Variants in URB1 observed in about 807,000 individuals in gnomAD.
The protein encoded by URB1 is URB1 ribosome biogenesis factor, also known as nucleolar pre-ribosomal-associated protein 1.
URB1 carries 197 observed loss-of-function variants against 242.3 expected under a neutral mutation model. The ratio of observed to expected loss-of-function variants is 0.81; its 90% CI spans 0.72 to 0.91. The LOEUF (loss-of-function observed/expected upper bound fraction) is 0.91, where lower values mean the gene tolerates loss of function less well. Among genes scored for constraint, URB1 ranks in the 40% least tolerant of loss-of-function variants. The pLI, the probability that URB1 is intolerant of heterozygous loss-of-function variation, is 0.00. For synonymous variants in URB1, 1,153 were observed against 1,201.8 expected, an observed-to-expected ratio of 0.96 and a Z score of 0.84; for missense variants, 2,721 against 2,860.5, an observed-to-expected ratio of 0.95 and a Z score of 1.11.
chr21:32,349,624 C>T lies in URB1; in HGVS notation c.2833-141G>A, dbSNP rs2833781. ...GCAACTCCTCACAGAGTGTGTGAGA[C>T]ACCCATCAATGCAATGCCATTTCTC... On this transcript the variant is annotated intron_variant, in intron 20 of 38. Coordinates refer to ENST00000382751, the MANE Select transcript of URB1 (RefSeq NM_014825.3). 7.8e-3 allele frequency: 5,991 copies of T among 769,054 alleles called. 298 individuals are homozygous for T. In the Admixed American group the frequency reaches 0.1, roughly 13 times the overall value. 47.6% of individuals were successfully genotyped at this position (769,054 alleles called of 1,614,324 possible). A position where few individuals can be genotyped will look rare whatever the true frequency, so the allele number is the denominator to read the frequency against.
chr21:32,365,974 G>A (rs1335291597), intron 10 of URB1, among the ~76,000 whole-genome samples: 2 of 152,218 alleles, frequency 1.3e-5, no homozygotes, highest in Non-Finnish European at 2.9e-5. Context: ...GGACCCACGT[G>A]TGCCAACAAC....
At position 32,338,690 on chromosome 21, in the gene URB1, C is replaced by T. The variant is rs1490525670; in HGVS notation, c.4510+17G>A. The T allele has an allele frequency of 6.4e-7, 1 of 1,550,484 alleles. No homozygotes were observed. The highest frequency in any genetic ancestry group is 1.2e-5 in the South Asian group (1 of 83,976). ...AAAATCTGGATACGGAATGGAAGGG[C>T]TGGGGTGAGGGGTCACCTTTTACTT... On this transcript the variant is annotated intron_variant, in intron 26 of 38. Transcript: ENST00000382751.
chr21:32,350,384 C>T (rs115279922), intron 20 of URB1, among the ~76,000 whole-genome samples: 399 of 152,332 alleles, frequency 2.6e-3, no homozygotes, highest in African/African-American at 8.4e-3. Flanking sequence ...CTGTAGTGAG[C>T]TATGATGCGC....
Position 32,345,403 on chromosome 21 carries a change from G to A in URB1, c.4041C>T (p.Ser1347=). The change falls in exon 23 of 39, where the codon AGC becomes AGT. Residue 1347 remains serine (S), a synonymous_variant. Coordinates refer to ENST00000382751, the MANE Select transcript of URB1 (RefSeq NM_014825.3). The stretch of plus-strand genomic sequence containing the variant: ...TGTGACTGCTTGGGGTGTGAAGCAA[G>A]CTGGGCAGGCGGTCCATGAGTACAC... ...DLSVLMDRLP[S]LLHTPSSHKR... 6.4e-7 allele frequency: 1 copy of A among 1,551,366 alleles called. No individual in the cohort carries two copies. Among genetic ancestry groups the A allele is most frequent in the East Asian group, 2.4e-5 (1 of 40,878 alleles).
In URB1 at chr21:32,384,348, C is replaced by T. The variant is rs2033558279; in HGVS notation, c.399G>A (p.Lys133=). Residue 133 remains lysine (K), a synonymous_variant, in exon 3 of 39, where the codon AAG becomes AAA. Transcript: ENST00000382751. ...IVKKLMNNHM[K]LICESLYASG... ...AGGCATACAGGGACTCACAGATGAG[C>T]TTCATGTGGTTGTTCATCAGCTTTT... 6.4e-7 allele frequency: 1 copy of T among 1,552,220 alleles called. No individual in the cohort carries two copies. The highest frequency in any genetic ancestry group is 1.4e-5 in the African/African-American group (1 of 73,060).
chr21:32,341,004 T>TA lies in URB1; in HGVS notation c.4316+461dup, dbSNP rs142680125. Among the ~76,000 whole-genome samples, 176 of 148,200 alleles carry TA rather than the reference T, an allele frequency of 1.2e-3. 2 individuals are homozygous for TA. The Middle Eastern group carries it at 0.033, about 27-fold the overall frequency. On this transcript the variant is annotated intron_variant, in intron 25 of 38. Transcript: ENST00000382751. ...AAAGGATGTATAAAGAATGATACAT[T>TA]AAAAAAAAAAGAATGATACATTAGT...
chr21:32,368,537 G>C lies in URB1; in HGVS notation c.1063C>G (p.Leu355Val). ...LGLKTAADDD[L>V]VADLVVNILK... ...ATGTTTACCACAAGGTCAGCCACCA[G>C]ATCATCATCAGCTGCAGTTTTCAAA... Residue 355 changes from leucine to valine, a missense_variant, in exon 9 of 39, where the codon CTG (leucine) becomes GTG (valine). Coordinates refer to ENST00000382751, the MANE Select transcript of URB1 (RefSeq NM_014825.3). 6.4e-7 allele frequency: 1 copy of C among 1,551,740 alleles called. No homozygotes were observed. The highest frequency in any genetic ancestry group is 8.7e-7 in the Non-Finnish European group (1 of 1,147,024).
At chr21:32,338,204 C>T (rs528672861) in intron 26 of URB1, among the ~76,000 whole-genome samples, 1 of 152,290 alleles carries the variant, frequency 6.6e-6, no homozygotes, top group African/African-American at 2.4e-5. Flanking sequence ...TCTCTGACAT[C>T]CGACCTGTGA....
chr21:32,320,542 G>C lies in URB1; in HGVS notation c.5583C>G (p.Ile1861Met). The change falls in exon 35 of 39, where the codon ATC (isoleucine) becomes ATG (methionine). Residue 1861 changes from isoleucine to methionine, a missense_variant. Transcript: ENST00000382751. Reference sequence around the variant, plus strand: ...CAAAAGGTACTTACTTGCTTTCAAGGATGTGTAAAATCCATGTTAAAAGGC... The same window carrying C: ...CAAAAGGTACTTACTTGCTTTCAAGCATGTGTAAAATCCATGTTAAAAGGC... ...DYSLLTWILH[I>M]LESKFLETPL... is the part of the protein sequence containing the mutation. 3.9e-6 allele frequency: 6 copies of C among 1,551,338 alleles called. No individual in the cohort carries two copies. Among genetic ancestry groups the C allele is most frequent in the African/African-American group, 2.7e-5 (2 of 73,104 alleles).
intron 5 of URB1, 70 bp downstream of exon 5, chr21:32,378,374 TG>T: frequency 1.4e-6 from 2 of 1,405,048 alleles, no homozygotes; most frequent in Non-Finnish European, 2.0e-6. Context: ...TTTTTGAACT[TG>T]GAAGAAACGG....
At chr21:32,384,987 GAAAGA>G (rs746904954) in intron 2 of URB1, among the ~76,000 whole-genome samples, 39 of 147,424 alleles carry the variant, frequency 2.6e-4, no homozygotes, top group African/African-American at 6.7e-4. Context: ...TCTCAAAAAT[GAAAGA>G]AAAGAAAAGA....
At chr21:32,372,024 T>G (rs1017342094) in intron 8 of URB1, among the ~76,000 whole-genome samples, 2 of 152,164 alleles carry the variant, frequency 1.3e-5, no homozygotes, top group African/African-American at 4.8e-5. Context: ...GAGGGAGGAC[T>G]GTTTTAGTAT....
rs886811048 is a variant in URB1, at chr21:32,338,618, G to A, written c.4510+89C>T. 176 of 1,407,118 alleles carry A rather than the reference G, an allele frequency of 1.3e-4. 3 individuals are homozygous for A. The Admixed American group carries it at 2.6e-3, about 21-fold the overall frequency. 87.2% of individuals were successfully genotyped at this position (1,407,118 alleles called of 1,614,324 possible). On this transcript the variant is annotated intron_variant, in intron 26 of 38. Coordinates refer to ENST00000382751, the MANE Select transcript of URB1 (RefSeq NM_014825.3). Reference sequence around the variant, plus strand: ...CAATGCTTCCTTAGCTCCGAGAGCCGGAGGGAGATGAGCCTCAGTGCAGCC... The same window carrying A: ...CAATGCTTCCTTAGCTCCGAGAGCCAGAGGGAGATGAGCCTCAGTGCAGCC...
chr21:32,331,898 C>T (rs995335181), intron 30 of URB1, among the ~76,000 whole-genome samples: 12 of 152,224 alleles, frequency 7.9e-5, no homozygotes, highest in Non-Finnish European at 1.3e-4. Flanking sequence ...ACAGTACACT[C>T]CTCCTGCCCC....
At chr21:32,371,240 C>T (rs1057049284) in intron 8 of URB1, among the ~76,000 whole-genome samples, 106 of 152,314 alleles carry the variant, frequency 7.0e-4, no homozygotes, top group African/African-American at 2.5e-3. Context: ...AAATCTCCTT[C>T]CTTTCCCTTA....
rs374404103 is a variant in URB1 at position 32,355,595 on chromosome 21, T to G, written c.1990-30A>C. 15 of 1,523,810 alleles carry G rather than the reference T, an allele frequency of 9.8e-6. No individual in the cohort carries two copies. In the African/African-American group the frequency reaches 1.8e-4, roughly 18 times the overall value. 94.4% of individuals were successfully genotyped at this position (1,523,810 alleles called of 1,614,324 possible). ...CAGGAAGTAGGCACCGGTGAAAAAG[T>G]CAGAACAGAACGCGCTTTCTTTCTT... is the stretch of plus-strand genomic sequence containing the variant. On this transcript the variant is annotated intron_variant, in intron 15 of 38. Coordinates refer to ENST00000382751, the MANE Select transcript of URB1 (RefSeq NM_014825.3).
chr21:32,372,687 G>C, intron 7 of URB1, 56 bp from the exon 8 acceptor site: 1 of 1,496,764 alleles, frequency 6.7e-7, no homozygotes, highest in South Asian at 1.3e-5. Flanking sequence ...ACTTTAGTAA[G>C]AGCTAGAGTA....
chr21:32,369,825 T>G lies in URB1; in HGVS notation c.1002-1227A>C, dbSNP rs73190626. Among the ~76,000 whole-genome samples the G allele has an allele frequency of 2.5e-3, 373 of 152,022 alleles. 1 individual carries two copies. The highest frequency in any genetic ancestry group is 8.5e-3 in the African/African-American group (354 of 41,458). ...GCTAGGATGTGGAAAAAATCTACCG[T>G]AGAAAAATACTGAAAAGTTATCTCA... On this transcript the variant is annotated intron_variant, in intron 8 of 38. Coordinates refer to ENST00000382751, the MANE Select transcript of URB1 (RefSeq NM_014825.3).
intron 26 of URB1, 133 bp downstream of exon 26, chr21:32,338,573 AC>A (rs2032989686): frequency 9.9e-7 from 1 of 1,014,910 alleles, no homozygotes; most frequent in African/African-American, 1.6e-5. Context: ...CAGAAATAAA[AC>A]ATTCTGACAC....
Sources: gnomAD v4.1 joint callset for allele counts (sites outside exome capture counted in the v4.1 genomes callset) on GRCh38, gnomAD v4.1.1 for gene constraint, MANE v1.5 for transcripts, NCBI Gene and HGNC (gene_info 2026-07-23, HGNC 2026-07-21) for gene names.